The following DENND3 variants were observed in gnomAD, a reference collection of about 807,000 sequenced individuals.
DENND3 encodes the protein DENN domain-containing protein 3.
Under a neutral mutation model 135.1 loss-of-function variants are expected in DENND3, and 88 were observed. The ratio of observed to expected loss-of-function variants is 0.65; its 90% CI spans 0.55 to 0.78. DENND3 has a LOEUF of 0.78. DENND3 is among the 30% of genes least tolerant of loss of function. DENND3 has a pLI of 0.00. For synonymous variants in DENND3, 693 were observed against 712.3 expected (o/e 0.97, Z 0.43); for missense variants, 1,392 against 1,688.4 (o/e 0.82, Z 3.08).
chr8:141,192,718 G>C, intron 22 of DENND3, 55 bp downstream of exon 22: 1 of 1,609,202 alleles, frequency 6.2e-7, no homozygotes, highest in Middle Eastern at 1.7e-4. Flanking sequence ...GCTTGCCCTG[G>C]CCGCATCCCC....
At chr8:141,192,908 ACAGAACT>A in intron 22 of DENND3, 1 of 1,468,710 alleles carries the variant, frequency 6.8e-7, no homozygotes, top group South Asian at 1.3e-5. Flanking sequence ...GCTTCAAATG[ACAGAACT>A]TAATTTTCTC....
Position 141,166,873 on chromosome 8 carries a change from C to T in DENND3, c.1753+484C>T, listed in dbSNP as rs1820875394. The stretch of plus-strand genomic sequence containing the variant: ...CTTGACTGTGGTTGGGACATTTCCA[C>T]AGAGATGGGACTGCATGGAGAGGCC... On this transcript the variant is annotated intron_variant, in intron 12 of 22. Coordinates refer to ENST00000519811, the MANE Select transcript of DENND3 (RefSeq NM_001352890.3). The surrounding 1 kb of genome is among the most constrained non-coding windows in gnomAD (Gnocchi z 4.3). 6.6e-6 allele frequency among the ~76,000 whole-genome samples: 1 copy of T among 152,182 alleles called. No individual in the cohort carries two copies. Among genetic ancestry groups the T allele is most frequent in the Non-Finnish European group, 1.5e-5 (1 of 68,032 alleles).
In DENND3 at chr8:141,160,758, C is replaced by A; in HGVS notation, c.1323C>A (p.Thr441=). 1 of 1,612,506 alleles carries A rather than the reference C, an allele frequency of 6.2e-7. No homozygotes were observed. Among genetic ancestry groups the A allele is most frequent in the Non-Finnish European group, 8.5e-7 (1 of 1,179,326 alleles). ...QQKLNCQIQQ[T]TLQLLVSIFR... The stretch of plus-strand genomic sequence containing the variant: ...AACTCAACTGCCAGATACAGCAGAC[C>A]ACCCTGCAGCTGCTCGTGAGCATCT... Residue 441 remains threonine, a synonymous_variant, in exon 9 of 23, where the codon ACC becomes ACA. Coordinates refer to ENST00000519811, the MANE Select transcript of DENND3 (RefSeq NM_001352890.3).
Position 141,137,883 on chromosome 8 carries a change from A to G in DENND3, c.386-139A>G. The G allele has an allele frequency of 1.3e-6, 1 of 775,462 alleles. No individual in the cohort carries two copies. Among genetic ancestry groups the G allele is most frequent in the Non-Finnish European group, 2.0e-6 (1 of 492,194 alleles). 48.0% of individuals were successfully genotyped at this position (775,462 alleles called of 1,614,324 possible). ...GACGGCCGGAGGCGTGATCGGAAGA[A>G]TGAACCCGCCTTGGACATGAAGGCA... On this transcript the variant is annotated intron_variant, in intron 2 of 22. Coordinates refer to ENST00000519811, the MANE Select transcript of DENND3 (RefSeq NM_001352890.3). This position sits in a 1 kb window ranked among gnomAD's most constrained non-coding sequence, Gnocchi z 4.1.
At position 141,167,891 on chromosome 8, in the gene DENND3, C is replaced by T. The variant is rs1821012555; in HGVS notation, c.1754-113C>T. Reference sequence around the variant, plus strand: ...TTTCTGGAGGGAGCACACCCATTCTCATTTTATTTTGCATCCAGAGAAACA... The same window carrying T: ...TTTCTGGAGGGAGCACACCCATTCTTATTTTATTTTGCATCCAGAGAAACA... On this transcript the variant is annotated intron_variant, in intron 12 of 22. Transcript: ENST00000519811. This position sits in a 1 kb window ranked among gnomAD's most constrained non-coding sequence, Gnocchi z 4.1. 5.5e-6 allele frequency: 8 copies of T among 1,442,142 alleles called. No individual in the cohort carries two copies. The highest frequency in any genetic ancestry group is 1.4e-5 in the African/African-American group (1 of 70,522). 89.3% of individuals were successfully genotyped at this position (1,442,142 alleles called of 1,614,324 possible). A position where few individuals can be genotyped will look rare whatever the true frequency, so the allele number is the denominator to read the frequency against.
chr8:141,158,463 G>A (rs1819716776), intron 8 of DENND3, among the ~76,000 whole-genome samples: 1 of 152,142 alleles, frequency 6.6e-6, no homozygotes, highest in Non-Finnish European at 1.5e-5. Flanking sequence ...GCTGGGCCCC[G>A]CTTTGGCTAG....
chr8:141,153,732 G>A (rs1432711323), intron 7 of DENND3, among the ~76,000 whole-genome samples: 6 of 152,240 alleles, frequency 3.9e-5, no homozygotes, highest in Non-Finnish European at 5.9e-5. Flanking sequence ...CCTCGCAGAC[G>A]AGGAGAAAAT....
In DENND3 at chr8:141,189,136, G is replaced by A; in HGVS notation, c.3235G>A (p.Glu1079Lys). Residue 1079 changes from glutamate to lysine, a missense_variant, in exon 19 of 23, where the codon GAG (glutamate) becomes AAG (lysine). Glu to Lys is a moderately conservative substitution (Grantham distance 56, BLOSUM62 1). Transcript: ENST00000519811. ...VTDLIVQDGQ[E>K]APSNVYSCSM... is the part of the protein sequence containing the mutation. The stretch of plus-strand genomic sequence containing the variant: ...GGATTTGATTGTGCAGGACGGACAG[G>A]AGGCACCCAGGTGCAGTAAGCTCTG... The A allele has an allele frequency of 3.1e-6, 5 of 1,614,196 alleles. No individual in the cohort carries two copies. The highest frequency in any genetic ancestry group is 3.3e-4 in the Middle Eastern group (2 of 6,062).
intron 5 of DENND3, among the ~76,000 whole-genome samples, chr8:141,147,433 C>G (rs1818286309): frequency 6.6e-6 from 1 of 152,256 alleles, no homozygotes; most frequent in Non-Finnish European, 1.5e-5. Context: ...TTTTATGCCA[C>G]TCCCCCAGCG....
At chr8:141,152,662 A>G (rs909702780) in intron 7 of DENND3, among the ~76,000 whole-genome samples, 6 of 152,164 alleles carry the variant, frequency 3.9e-5, no homozygotes, top group Admixed American at 1.3e-4. Context: ...CACACTGTTC[A>G]GTGATGACCG....
Position 141,194,476 on chromosome 8 carries a change from G to A in DENND3, c.*243G>A. Reference sequence around the variant, plus strand: ...TGTTGGGGTGTGTCTCAGGCAGGCAGCTGCGTCTTGTTGGTGATAACCTCT... The same window carrying A: ...TGTTGGGGTGTGTCTCAGGCAGGCAACTGCGTCTTGTTGGTGATAACCTCT... On this transcript the variant is annotated 3_prime_UTR_variant, in exon 23 of 23. Coordinates refer to ENST00000519811, the MANE Select transcript of DENND3 (RefSeq NM_001352890.3). 1.9e-6 allele frequency: 1 copy of A among 539,538 alleles called. No homozygotes were observed. Among genetic ancestry groups the A allele is most frequent in the Non-Finnish European group, 3.3e-6 (1 of 300,194 alleles). The allele number at this position is 539,538 out of a possible 1,614,324, so 33.4% of individuals were successfully genotyped here.
intron 13 of DENND3, among the ~76,000 whole-genome samples, chr8:141,171,328 T>C (rs997641892): frequency 6.6e-6 from 1 of 152,244 alleles, no homozygotes; most frequent in Non-Finnish European, 1.5e-5. Flanking sequence ...CATACTTTAA[T>C]GGCAAAATAT....
At chr8:141,164,011 C>T (rs1820460970) in intron 10 of DENND3, among the ~76,000 whole-genome samples, 1 of 152,016 alleles carries the variant, frequency 6.6e-6, no homozygotes, top group South Asian at 2.1e-4. Flanking sequence ...TCACCACTTC[C>T]TCAACCTGGA....
At chr8:141,160,846 A>G (rs1318823423) in intron 9 of DENND3, 59 bp downstream of exon 9, 4 of 1,560,942 alleles carry the variant, frequency 2.6e-6, no homozygotes, top group Non-Finnish European at 1.8e-6. Context: ...CATCCATTCT[A>G]TGGGGATCGT....
chr8:141,151,809 A>G lies in DENND3; in HGVS notation c.1046A>G (p.His349Arg). Residue 349 changes from histidine (H) to arginine (R), a missense_variant, in exon 7 of 23, where the codon CAT becomes CGT. Transcript: ENST00000519811. ...MAPTSFLMGC[H>R]LDHFEEVSKE... Reference sequence around the variant, plus strand: ...CCCACGTCCTTCCTGATGGGCTGCCATCTCGACCACTTCGAAGAAGTCAGC... The same window carrying G: ...CCCACGTCCTTCCTGATGGGCTGCCGTCTCGACCACTTCGAAGAAGTCAGC... 6.2e-6 allele frequency: 10 copies of G among 1,614,230 alleles called. No individual in the cohort carries two copies. The highest frequency in any genetic ancestry group is 8.5e-6 in the Non-Finnish European group (10 of 1,180,046).
At position 141,160,766 on chromosome 8, in the gene DENND3, A is replaced by G. The variant is rs11997191; in HGVS notation, c.1331A>G (p.Gln444Arg). The change falls in exon 9 of 23, where the codon CAG (glutamine) becomes CGG (arginine). Residue 444 changes from glutamine to arginine, a missense_variant. Transcript: ENST00000519811. ...TGCCAGATACAGCAGACCACCCTGC[A>G]GCTGCTCGTGAGCATCTTCAGGTAC... Reference protein sequence around the residue: ...LNCQIQQTTLQLLVSIFRDVK... With the variant: ...LNCQIQQTTLRLLVSIFRDVK... 1.5e-3 allele frequency: 2,441 copies of G among 1,612,266 alleles called. 42 individuals are homozygous for G. In the African/African-American group the frequency reaches 0.028, roughly 18 times the overall value.
intron 1 of DENND3, among the ~76,000 whole-genome samples, chr8:141,129,040 C>A (rs1174685514): frequency 6.6e-6 from 1 of 152,222 alleles, no homozygotes; most frequent in Non-Finnish European, 1.5e-5. Flanking sequence ...TCTCCCCGCC[C>A]GGGGCCCTTG....
rs1254911462 is a variant in DENND3 at position 141,145,822 on chromosome 8, TATATATATATATATATA to T, written c.735+1564_735+1580del. 4.1e-3 allele frequency among the ~76,000 whole-genome samples: 139 copies of T among 33,518 alleles called. 5 individuals are homozygous for T. Among genetic ancestry groups the T allele is most frequent in the African/African-American group, 0.021 (136 of 6,560 alleles). The allele number at this position is 33,518 out of a possible 152,430, so 22.0% of individuals were successfully genotyped here. On this transcript the variant is annotated intron_variant, in intron 5 of 22. Transcript: ENST00000519811. ...TGAATATTATATATATATATATATA[TATATATATATATATATA>T]TATATATATATGTATTTTTTTTTTT...
intron 3 of DENND3, among the ~76,000 whole-genome samples, chr8:141,140,332 A>G (rs1375173609): frequency 6.6e-6 from 1 of 152,184 alleles, no homozygotes; most frequent in Non-Finnish European, 1.5e-5. Context: ...CTCCCGGGCT[A>G]CTGTAACAGT....
Sources: gnomAD v4.1 joint callset for allele counts (sites outside exome capture counted in the v4.1 genomes callset) on GRCh38, gnomAD v4.1.1 for gene constraint, Gnocchi (gnomAD v3.1) non-coding constraint, MANE v1.5 for transcripts, NCBI Gene and HGNC (gene_info 2026-07-23, HGNC 2026-07-21) for gene names.